The following PROP1 variants were observed in gnomAD, a reference collection of about 807,000 sequenced individuals.
The protein encoded by PROP1 is PROP paired-like homeobox 1.
A neutral mutation model predicts 22.3 loss-of-function variants in PROP1; 12 were observed. The ratio of observed to expected loss-of-function variants is 0.54; its 90% CI spans 0.34 to 0.87. PROP1 has a LOEUF of 0.87. PROP1 is among the 40% of genes least tolerant of loss of function. The pLI is 0.01. For synonymous variants in PROP1, 112 were observed against 116.7 expected (o/e 0.96, Z 0.26); for missense variants, 278 against 295.1 (o/e 0.94, Z 0.43).
intron 1 of PROP1, 98 bp downstream of exon 1, chr5:177,995,727 T>C: frequency 1.0e-6 from 1 of 974,876 alleles, no homozygotes; most frequent in Non-Finnish European, 1.6e-6. Context: ...GGATTCGGGT[T>C]TTAATTTCTC....
intron 2 of PROP1, 72 bp downstream of exon 2, chr5:177,994,034 G>A: frequency 6.5e-7 from 1 of 1,536,238 alleles, no homozygotes; most frequent in Non-Finnish European, 9.0e-7. Context: ...GGGTTATAAT[G>A]CCCAACATTC....
Position 177,994,221 on chromosome 5 carries a change from A to G in PROP1, c.227T>C (p.Phe76Ser), listed in dbSNP as rs1562024503. The change falls in exon 2 of 3, where the codon TTC becomes TCC. Residue 76 changes from phenylalanine (F) to serine (S), a missense_variant. Phe to Ser is a radical substitution (Grantham distance 155). Coordinates refer to ENST00000308304, the MANE Select transcript of PROP1 (RefSeq NM_006261.5). ...CAGCTGTTCCAACTGCACTGGGCTG[A>G]AGGTGGTGCGGTGGCGGCGCCGGGA... Reference protein sequence around the residue: ...PHSRRRHRTTFSPVQLEQLES... With the variant: ...PHSRRRHRTTSSPVQLEQLES... 1.9e-6 allele frequency: 3 copies of G among 1,613,994 alleles called. No homozygotes were observed. Among genetic ancestry groups the G allele is most frequent in the Non-Finnish European group, 2.5e-6 (3 of 1,179,976 alleles).
chr5:177,992,660 T>A lies in PROP1; in HGVS notation c.*49A>T. On this transcript the variant is annotated 3_prime_UTR_variant, in exon 3 of 3. Transcript: ENST00000308304. Reference sequence around the variant, plus strand: ...GGAAGCCACCCCATTTTCTTGTCTTTTCACGAGGGCCGCAGGCTGGGGATC... The same window carrying A: ...GGAAGCCACCCCATTTTCTTGTCTTATCACGAGGGCCGCAGGCTGGGGATC... The A allele has an allele frequency of 7.4e-7, 1 of 1,344,684 alleles. No individual in the cohort carries two copies. Among genetic ancestry groups the A allele is most frequent in the Non-Finnish European group, 1.0e-6 (1 of 972,522 alleles). 83.3% of individuals were successfully genotyped at this position (1,344,684 alleles called of 1,614,324 possible). A position where few individuals can be genotyped will look rare whatever the true frequency, so the allele number is the denominator to read the frequency against.
intron 2 of PROP1, 72 bp from the exon 3 acceptor site, chr5:177,993,119 A>T: frequency 7.6e-7 from 1 of 1,312,448 alleles, no homozygotes; most frequent in East Asian, 2.5e-5. Flanking sequence ...CAATGACAAG[A>T]GGTGCAGGGA....
rs893370274 is a variant in PROP1, at chr5:177,996,174, C to G, written c.-241G>C. On this transcript the variant is annotated 5_prime_UTR_variant, in exon 1 of 3. Coordinates refer to ENST00000308304, the MANE Select transcript of PROP1 (RefSeq NM_006261.5). Reference sequence around the variant, plus strand: ...GCTTGAGTGTCAGCTCAATCTCCTGCCTCAGCCTCACCTGTTGCTCTGTTT... The same window carrying G: ...GCTTGAGTGTCAGCTCAATCTCCTGGCTCAGCCTCACCTGTTGCTCTGTTT... The G allele has an allele frequency of 1.2e-5, 7 of 564,600 alleles. No individual in the cohort carries two copies. The highest frequency in any genetic ancestry group is 2.2e-5 in the Non-Finnish European group (7 of 314,872). The allele number at this position is 564,600 out of a possible 1,614,324, so 35.0% of individuals were successfully genotyped here. A position where few individuals can be genotyped will look rare whatever the true frequency, so the allele number is the denominator to read the frequency against.
rs1169767389 is a variant in PROP1 at position 177,996,131 on chromosome 5, C to T, written c.-198G>A. On this transcript the variant is annotated 5_prime_UTR_variant, in exon 1 of 3. Coordinates refer to ENST00000308304, the MANE Select transcript of PROP1 (RefSeq NM_006261.5). ...TCTTTACTTTTTTTCTAATTGTTTC[C>T]TAATTCCCCCTTCCTTGGCTTGAGT... is the stretch of plus-strand genomic sequence containing the variant. The T allele has an allele frequency of 1.6e-6, 1 of 615,804 alleles. No homozygotes were observed. The highest frequency in any genetic ancestry group is 2.9e-6 in the Non-Finnish European group (1 of 344,576). The allele number at this position is 615,804 out of a possible 1,614,324, so 38.1% of individuals were successfully genotyped here. A position where few individuals can be genotyped will look rare whatever the true frequency, so the allele number is the denominator to read the frequency against.
chr5:177,993,264 C>T (rs923184127), intron 2 of PROP1, among the ~76,000 whole-genome samples: 3 of 152,132 alleles, frequency 2.0e-5, no homozygotes, highest in African/African-American at 7.2e-5. Flanking sequence ...TTCTAACACT[C>T]GGGGCAAGTA....
chr5:177,993,111 A>G, intron 2 of PROP1, 64 bp from the exon 3 acceptor site: 4 of 1,389,178 alleles, frequency 2.9e-6, no homozygotes, highest in Admixed American at 1.9e-5. Flanking sequence ...CCCTACTCCA[A>G]TGACAAGAGG....
In PROP1 at chr5:177,995,976, G is replaced by A. The variant is rs1050402785; in HGVS notation, c.-43C>T. On this transcript the variant is annotated 5_prime_UTR_variant, in exon 1 of 3. Coordinates refer to ENST00000308304, the MANE Select transcript of PROP1 (RefSeq NM_006261.5). ...AAGTGTCCCTGAATCTCTGACTTGA[G>A]ATTTCTCTGCTTCCGCAGCTCCTCT... 3 of 1,560,200 alleles carry A rather than the reference G, an allele frequency of 1.9e-6. No individual in the cohort carries two copies. Among genetic ancestry groups the A allele is most frequent in the Non-Finnish European group, 1.8e-6 (2 of 1,134,692 alleles).
chr5:177,993,119 A>G, intron 2 of PROP1, 72 bp from the exon 3 acceptor site: 1 of 1,312,448 alleles, frequency 7.6e-7, no homozygotes, highest in Non-Finnish European at 1.1e-6. Flanking sequence ...CAATGACAAG[A>G]GGTGCAGGGA....
In PROP1 at chr5:177,995,848, G is replaced by A; in HGVS notation, c.86C>T (p.Thr29Ile). The change falls in exon 1 of 3, where the codon ACT becomes ATT. Residue 29 changes from threonine (T) to isoleucine (I), a missense_variant. Transcript: ENST00000308304. ...ACCCACCGTGGTGGTCGGGGTCCCAGTGGCCGGGTGTCTCTCAGGCAACAG... is the reference window on the plus strand; with the variant it reads ...ACCCACCGTGGTGGTCGGGGTCCCAATGGCCGGGTGTCTCTCAGGCAACAG... ...SNLLPERHPATGTPTTTVDSS... is the reference protein window; with the variant it reads ...SNLLPERHPAIGTPTTTVDSS... 4 of 1,613,914 alleles carry A rather than the reference G, an allele frequency of 2.5e-6. No individual in the cohort carries two copies. Among genetic ancestry groups the A allele is most frequent in the Non-Finnish European group, 3.4e-6 (4 of 1,180,024 alleles).
intron 2 of PROP1, 94 bp downstream of exon 2, chr5:177,994,012 C>T: frequency 7.5e-7 from 1 of 1,336,786 alleles, no homozygotes; most frequent in South Asian, 1.2e-5. Flanking sequence ...TGTCTGGTGA[C>T]CATTTAGGTT....
rs753674298 is a variant in PROP1, at chr5:177,992,664, C to T, written c.*45G>A. ...GCCACCCCATTTTCTTGTCTTTTCA[C>T]GAGGGCCGCAGGCTGGGGATCACCT... On this transcript the variant is annotated 3_prime_UTR_variant, in exon 3 of 3. Coordinates refer to ENST00000308304, the MANE Select transcript of PROP1 (RefSeq NM_006261.5). The T allele has an allele frequency of 1.5e-5, 20 of 1,364,650 alleles. No individual in the cohort carries two copies. The highest frequency in any genetic ancestry group is 1.1e-4 in the South Asian group (9 of 80,430). 84.5% of individuals were successfully genotyped at this position (1,364,650 alleles called of 1,614,324 possible).
chr5:177,994,654 G>T (rs1434379559), intron 1 of PROP1, among the ~76,000 whole-genome samples: 1 of 152,082 alleles, frequency 6.6e-6, no homozygotes, highest in Non-Finnish European at 1.5e-5. Flanking sequence ...TGCCCAGGCT[G>T]GTCTCAAACT....
rs2233780 is a variant in PROP1, at chr5:177,994,445, A to G, written c.110-107T>C. On this transcript the variant is annotated intron_variant, in intron 1 of 2. Transcript: ENST00000308304. ...CGCTCAGTGCGTCCTGTGCTGCTCC[A>G]GTCTTTTTTTGAGACAGAGTCTTGC... 36,534 of 940,412 alleles carry G rather than the reference A, an allele frequency of 0.039. 1,899 individuals carry two copies. Among genetic ancestry groups the G allele is most frequent in the South Asian group, 0.18 (10,402 of 57,646 alleles). 58.3% of individuals were successfully genotyped at this position (940,412 alleles called of 1,614,324 possible). A position where few individuals can be genotyped will look rare whatever the true frequency, so the allele number is the denominator to read the frequency against.
At position 177,992,877 on chromosome 5, in the gene PROP1, G is replaced by A. The variant is rs773082009; in HGVS notation, c.513C>T (p.Tyr171=). ...PPPVTCFPHP[Y]SHALPSQPST... is the part of the protein sequence containing the mutation. The stretch of plus-strand genomic sequence containing the variant: ...AGGGCTGGGAAGGGAGGGCATGGCT[G>A]TAGGGGTGAGGGAAGCAGGTCACTG... The change falls in exon 3 of 3, where the codon TAC becomes TAT. Residue 171 remains tyrosine (Y), a synonymous_variant. Transcript: ENST00000308304. 6.7e-5 allele frequency: 108 copies of A among 1,613,708 alleles called. No individual in the cohort carries two copies. Among genetic ancestry groups the A allele is most frequent in the Non-Finnish European group, 8.9e-5 (105 of 1,179,960 alleles).
chr5:177,995,374 A>G (rs1755739101), intron 1 of PROP1, among the ~76,000 whole-genome samples: 1 of 152,042 alleles, frequency 6.6e-6, no homozygotes, highest in South Asian at 2.1e-4. Context: ...GCACACCAAG[A>G]AAAGATGTCT....
At chr5:177,993,120 G>A in intron 2 of PROP1, 73 bp from the exon 3 acceptor site, 1 of 1,319,274 alleles carries the variant, frequency 7.6e-7, no homozygotes. Context: ...AATGACAAGA[G>A]GTGCAGGGAC....
Position 177,995,826 on chromosome 5 carries a change from C to A in PROP1, c.108G>T (p.Val36=). 1 of 1,613,358 alleles carries A rather than the reference C, an allele frequency of 6.2e-7. No homozygotes were observed. The highest frequency in any genetic ancestry group is 8.5e-7 in the Non-Finnish European group (1 of 1,179,760). Reference sequence around the variant, plus strand: ...ACGCACACCGGGACGGTCACTCACCCACCGTGGTGGTCGGGGTCCCAGTGG... The same window carrying A: ...ACGCACACCGGGACGGTCACTCACCAACCGTGGTGGTCGGGGTCCCAGTGG... ...HPATGTPTTT[V]DSSAPPCRRL... The change falls in exon 1 of 3, where the codon GTG becomes GTT. Residue 36 remains valine (V), a splice_region_variant and synonymous_variant. Transcript: ENST00000308304.
Sources: allele counts gnomAD v4.1 joint callset (sites outside exome capture counted in the v4.1 genomes callset), GRCh38; gene constraint gnomAD v4.1.1; transcripts MANE v1.5; gene names NCBI Gene and HGNC (gene_info 2026-07-23, HGNC 2026-07-21).